TRPM1: variants seen among roughly 807,000 people sequenced by gnomAD.
TRPM1 encodes TRPM1-203 APA Isoform, Intron 10.
Under a neutral mutation model 149.4 loss-of-function variants are expected in TRPM1, and 113 were observed. The observed-to-expected ratio is 0.76, with a 90% CI of 0.65 to 0.88. The LOEUF (loss-of-function observed/expected upper bound fraction) is 0.88. Among genes scored for constraint, TRPM1 ranks in the 40% least tolerant of loss-of-function variants. The probability of loss-of-function intolerance (pLI) is 0.00; values close to 1 mark genes in which losing one functional copy is unlikely to be tolerated. For synonymous variants in TRPM1, 741 were observed against 759.5 expected (o/e 0.98, Z 0.40); for missense variants, 1,976 against 2,038.7 (o/e 0.97, Z 0.59).
chr15:31,157,294 G>A (rs80220562), intron 1 of TRPM1, among the ~76,000 whole-genome samples: 1,685 of 152,200 alleles, frequency 0.011, 35 homozygotes, highest in African/African-American at 0.038. Flanking sequence ...TGTTTTAAGT[G>A]CTGTGTAGTA....
chr15:31,076,316 G>C (rs1241753323), intron 3 of TRPM1, among the ~76,000 whole-genome samples: 1 of 152,110 alleles, frequency 6.6e-6, no homozygotes, highest in Non-Finnish European at 1.5e-5. Flanking sequence ...CGAATGTATG[G>C]ATAAATTGTT....
At chr15:31,035,308 T>A (rs1288098546) in intron 21 of TRPM1, among the ~76,000 whole-genome samples, 1 of 151,924 alleles carries the variant, frequency 6.6e-6, no homozygotes, top group East Asian at 1.9e-4. Flanking sequence ...GACTGGCTAA[T>A]TTTTTTTATT....
upstream of TRPM1, among the ~76,000 whole-genome samples, chr15:31,105,541 G>C (rs1305757198): frequency 6.6e-6 from 1 of 152,168 alleles, no homozygotes; most frequent in East Asian, 1.9e-4. Context: ...TTTAGAAACA[G>C]AGGGATTTTA....
At chr15:31,156,583 A>G (rs1466254149) in intron 1 of TRPM1, among the ~76,000 whole-genome samples, 3 of 152,118 alleles carry the variant, frequency 2.0e-5, no homozygotes. Context: ...CTTTGTATCC[A>G]CCTATGTGAC....
chr15:31,133,021 C>A (rs969617404), intron 1 of TRPM1, among the ~76,000 whole-genome samples: 2 of 152,220 alleles, frequency 1.3e-5, no homozygotes, highest in African/African-American at 4.8e-5. Context: ...TGAGAACAGA[C>A]TAATACAGTA....
At chr15:31,158,611 A>G (rs1359721787) in intron 1 of TRPM1, among the ~76,000 whole-genome samples, 1 of 132,520 alleles carries the variant, frequency 7.5e-6, no homozygotes, top group Non-Finnish European at 1.6e-5. Flanking sequence ...TGGGCGACAG[A>G]GTGAGACTCC....
intron 1 of TRPM1, among the ~76,000 whole-genome samples, chr15:31,143,627 G>C (rs2036186412): frequency 6.6e-6 from 1 of 152,172 alleles, no homozygotes; most frequent in South Asian, 2.1e-4. Flanking sequence ...TGGCCAGGCT[G>C]GTCTTGTACT....
chr15:31,015,165 G>A (rs1344443719), intron 27 of TRPM1, among the ~76,000 whole-genome samples: 3 of 149,560 alleles, frequency 2.0e-5, no homozygotes, highest in Non-Finnish European at 3.0e-5. Flanking sequence ...CCCAGCATTT[G>A]GGAGGCAGAG....
chr15:31,070,311 T>G, intron 3 of TRPM1, 85 bp from the exon 4 acceptor site: 2 of 1,364,966 alleles, frequency 1.5e-6, no homozygotes, highest in Non-Finnish European at 2.1e-6. Context: ...CCTCAACAGG[T>G]GAGTTGGGCC....
chr15:31,112,541 G>A (rs1301193918), intron 1 of TRPM1, among the ~76,000 whole-genome samples: 1 of 152,186 alleles, frequency 6.6e-6, no homozygotes, highest in Non-Finnish European at 1.5e-5. Context: ...GCTTAGCAGA[G>A]GTTTCTCCAT....
chr15:31,113,556 T>G (rs2338858), intron 1 of TRPM1, among the ~76,000 whole-genome samples: 2 of 151,998 alleles, frequency 1.3e-5, no homozygotes, highest in African/African-American at 4.8e-5. Flanking sequence ...CTAAAATGTT[T>G]TTTTTTAACT....
chr15:31,088,911 A>C (rs1251857166), intron 1 of TRPM1, among the ~76,000 whole-genome samples: 1 of 152,112 alleles, frequency 6.6e-6, no homozygotes. Context: ...GCCTACCAGA[A>C]GTCTGGTGGC....
At chr15:31,088,332 C>T (rs565295791) in intron 1 of TRPM1, among the ~76,000 whole-genome samples, 6 of 152,328 alleles carry the variant, frequency 3.9e-5, no homozygotes, top group African/African-American at 9.6e-5. Flanking sequence ...CTCGGGTCTC[C>T]TTATTGGTTG....
In TRPM1 at chr15:31,063,101, C is replaced by A. The variant is rs375285110; in HGVS notation, c.965+17G>T. ...GGAGTTACGAACCCGCCCTTCCTCG[C>A]GCGTCAGAAATCCTACCCGCCTTCT... On this transcript the variant is annotated intron_variant, in intron 8 of 27. Transcript: ENST00000256552. 1 of 1,613,992 alleles carries A rather than the reference C, an allele frequency of 6.2e-7. No individual in the cohort carries two copies. The highest frequency in any genetic ancestry group is 1.3e-5 in the African/African-American group (1 of 74,934).
intron 1 of TRPM1, among the ~76,000 whole-genome samples, chr15:31,125,292 G>T (rs1035538302): frequency 6.6e-6 from 1 of 152,202 alleles, no homozygotes; most frequent in African/African-American, 2.4e-5. Flanking sequence ...TGGCGCATCA[G>T]TTAGAACAAA....
At chr15:31,117,807 C>T (rs1403384750) in intron 1 of TRPM1, among the ~76,000 whole-genome samples, 1 of 151,984 alleles carries the variant, frequency 6.6e-6, no homozygotes, top group Admixed American at 6.6e-5. Context: ...ATCAAAAACA[C>T]CTACAGCAAT....
At chr15:31,028,244 A>G in intron 25 of TRPM1, 88 bp downstream of exon 25, 2 of 1,537,092 alleles carry the variant, frequency 1.3e-6, no homozygotes, top group Non-Finnish European at 1.8e-6. Context: ...CTGCAAATAT[A>G]TTGGTATCTT....
At chr15:31,123,335 C>A (rs554729100) in intron 1 of TRPM1, among the ~76,000 whole-genome samples, 2 of 152,122 alleles carry the variant, frequency 1.3e-5, no homozygotes, top group African/African-American at 2.4e-5. Context: ...AATTGATAAA[C>A]TTTACTAAAA....
intron 1 of TRPM1, among the ~76,000 whole-genome samples, chr15:31,150,962 A>G (rs1285606274): frequency 6.6e-6 from 1 of 152,210 alleles, no homozygotes; most frequent in Non-Finnish European, 1.5e-5. Context: ...TTAGGAGGAC[A>G]GGGTGAAGCT....
Sources: allele counts gnomAD v4.1 joint callset (sites outside exome capture counted in the v4.1 genomes callset), GRCh38; gene constraint gnomAD v4.1.1; transcripts MANE v1.5; gene names NCBI Gene and HGNC (gene_info 2026-07-23, HGNC 2026-07-21).